Variants in EML6 observed in about 807,000 individuals in gnomAD.
The protein encoded by EML6 is EMAP like 6, also known as echinoderm microtubule-associated protein-like 6.
EML6 carries 154 observed loss-of-function variants against 240.1 expected under a neutral mutation model. The ratio of observed to expected loss-of-function variants is 0.64; its 90% CI spans 0.56 to 0.73. The LOEUF (loss-of-function observed/expected upper bound fraction) is 0.73, where lower values mean the gene tolerates loss of function less well. Ranked by LOEUF, EML6 falls within the 30% of genes least tolerant of loss-of-function variation. The pLI, the probability that EML6 is intolerant of heterozygous loss-of-function variation, is 0.00. For synonymous variants in EML6, 1,148 were observed against 899.0 expected (o/e 1.28, Z -4.95); for missense variants, 2,964 against 2,474.6 (o/e 1.20, Z -4.20).
chr2:54,927,405 C>G (rs1446488221), intron 26 of EML6, among the ~76,000 whole-genome samples: 1 of 152,218 alleles, frequency 6.6e-6, no homozygotes, highest in Admixed American at 6.5e-5. Context: ...AAATTTTCAT[C>G]TGGGATACTG....
At chr2:54,908,830 C>T (rs1424996393) in intron 24 of EML6, among the ~76,000 whole-genome samples, 1 of 152,114 alleles carries the variant, frequency 6.6e-6, no homozygotes, top group Admixed American at 6.5e-5. Flanking sequence ...ATTACCCAGC[C>T]CAGTGTGAGC....
chr2:54,764,228 G>C (rs538848432), intron 2 of EML6, among the ~76,000 whole-genome samples: 8 of 152,274 alleles, frequency 5.3e-5, no homozygotes, highest in South Asian at 4.1e-4. Context: ...ATAAGATTAA[G>C]TCCATATAAT....
rs570682886 is a variant in EML6 at position 54,969,191 on chromosome 2, T to C, written c.5852+423T>C. 7.9e-5 allele frequency among the ~76,000 whole-genome samples: 12 copies of C among 152,328 alleles called. No homozygotes were observed. In the South Asian group the frequency reaches 2.5e-3, roughly 32 times the overall value. ...TGATCACCAGTGTTGGGAATTTCTT[T>C]ATTTACTCTAAATAGAGTATAGAGG... On this transcript the variant is annotated intron_variant, in intron 41 of 41. Coordinates refer to ENST00000356458, the MANE Select transcript of EML6 (RefSeq NM_001039753.4).
intron 40 of EML6, 31 bp downstream of exon 40, chr2:54,968,312 G>A: frequency 6.4e-7 from 1 of 1,550,964 alleles, no homozygotes; most frequent in South Asian, 1.2e-5. Flanking sequence ...CCTCCCTGCA[G>A]GTTCTCTGTT....
chr2:54,866,485 A>G (rs922020382), intron 13 of EML6, among the ~76,000 whole-genome samples: 3 of 152,214 alleles, frequency 2.0e-5, no homozygotes, highest in Non-Finnish European at 4.4e-5. Flanking sequence ...TTTTATTTAT[A>G]TTTTACTGAT....
rs78016089 is a variant in EML6, at chr2:54,948,427, C to A, written c.4005-455C>A. 3.7e-3 allele frequency among the ~76,000 whole-genome samples: 562 copies of A among 152,280 alleles called. 4 individuals carry two copies. The highest frequency in any genetic ancestry group is 0.013 in the African/African-American group (542 of 41,548). ...TTTCCGCAGCCTGGCTTGTAAGTGC[C>A]ACTTCACGCCACACCATGGCCATCG... On this transcript the variant is annotated intron_variant, in intron 28 of 41. Coordinates refer to ENST00000356458, the MANE Select transcript of EML6 (RefSeq NM_001039753.4).
intron 21 of EML6, 47 bp downstream of exon 21, chr2:54,895,447 A>G: frequency 6.5e-7 from 1 of 1,542,902 alleles, no homozygotes; most frequent in Admixed American, 2.0e-5. Context: ...CAAGGCTGGG[A>G]CTAGAGTGAG....
At chr2:54,967,606 T>A (rs1474065807) in intron 39 of EML6, among the ~76,000 whole-genome samples, 2 of 151,910 alleles carry the variant, frequency 1.3e-5, no homozygotes, top group Admixed American at 1.3e-4. Flanking sequence ...GTAACTTGTG[T>A]TTTTGGAGTG....
intron 2 of EML6, among the ~76,000 whole-genome samples, chr2:54,802,637 T>TACTACC (rs1418897743): frequency 1.4e-5 from 2 of 147,442 alleles, no homozygotes; most frequent in Non-Finnish European, 3.0e-5. Flanking sequence ...CTACTACTAC[T>TACTACC]ACTACTACTA....
intron 28 of EML6, among the ~76,000 whole-genome samples, chr2:54,942,470 G>T (rs1205847623): frequency 6.6e-6 from 1 of 152,202 alleles, no homozygotes; most frequent in Non-Finnish European, 1.5e-5. Context: ...CAGGGGTGTT[G>T]ATCTGCCTCC....
chr2:54,843,254 C>A (rs1398469431), intron 7 of EML6, among the ~76,000 whole-genome samples: 1 of 151,988 alleles, frequency 6.6e-6, no homozygotes, highest in African/African-American at 2.4e-5. Context: ...CATAGCAAGA[C>A]CTTGTCTCTA....
At chr2:54,735,149 A>G (rs1683337254) in intron 2 of EML6, among the ~76,000 whole-genome samples, 1 of 152,186 alleles carries the variant, frequency 6.6e-6, no homozygotes, top group South Asian at 2.1e-4. Context: ...CCTCTCCCTG[A>G]AGCCTTATCT....
At chr2:54,791,284 G>C (rs1319833312) in intron 2 of EML6, among the ~76,000 whole-genome samples, 1 of 152,160 alleles carries the variant, frequency 6.6e-6, no homozygotes, top group South Asian at 2.1e-4. Context: ...GTATGCTCAC[G>C]CAAGTGGGTC....
chr2:54,759,408 G>GT (rs1421408614), intron 2 of EML6, among the ~76,000 whole-genome samples: 1 of 151,756 alleles, frequency 6.6e-6, no homozygotes, highest in East Asian at 1.9e-4. Flanking sequence ...AATAGTGGTG[G>GT]TAACTATTAT....
At chr2:54,940,505 G>C (rs912291493) in intron 28 of EML6, among the ~76,000 whole-genome samples, 1 of 152,156 alleles carries the variant, frequency 6.6e-6, no homozygotes, top group African/African-American at 2.4e-5. Flanking sequence ...GTTCCCCAGT[G>C]GCTGGTACTG....
Position 54,863,814 on chromosome 2 carries a change from T to TACAGTGAA in EML6, c.1857_1858insACAGTGAA (p.Asp620ThrfsTer37). On this transcript the variant is annotated frameshift_variant, in exon 13 of 42. Coordinates refer to ENST00000356458, the MANE Select transcript of EML6 (RefSeq NM_001039753.4). LOFTEE classifies it high-confidence loss of function. ...GAGCTGATTCCTACAGTGAAGAATC[T>TACAGTGAA]GATTCAGATTTATCTGATGTGCCCG... 1 of 1,548,950 alleles carries TACAGTGAA rather than the reference T, an allele frequency of 6.5e-7. No homozygotes were observed. Among genetic ancestry groups the TACAGTGAA allele is most frequent in the Non-Finnish European group, 8.7e-7 (1 of 1,145,248 alleles).
chr2:54,927,116 C>G (rs943983450), intron 26 of EML6, among the ~76,000 whole-genome samples: 1 of 152,190 alleles, frequency 6.6e-6, no homozygotes, highest in Non-Finnish European at 1.5e-5. Flanking sequence ...TTTGTTCTGC[C>G]TATTTGCTAG....
At chr2:54,919,254 C>CA (rs1237089339) in intron 26 of EML6, among the ~76,000 whole-genome samples, 6 of 131,244 alleles carry the variant, frequency 4.6e-5, no homozygotes, top group African/African-American at 1.7e-4. Flanking sequence ...CCCCCCCCCC[C>CA]AATCCTTTTC....
In EML6 at chr2:54,899,767, C is replaced by T. The variant is rs1409200355; in HGVS notation, c.3109C>T (p.Arg1037Trp). 3 of 1,549,954 alleles carry T rather than the reference C, an allele frequency of 1.9e-6. No individual in the cohort carries two copies. The highest frequency in any genetic ancestry group is 2.6e-6 in the Non-Finnish European group (3 of 1,146,284). Residue 1037 changes from arginine to tryptophan, a missense_variant, in exon 22 of 42, where the codon CGG becomes TGG. Coordinates refer to ENST00000356458, the MANE Select transcript of EML6 (RefSeq NM_001039753.4). Reference sequence around the variant, plus strand: ...TGCCCAGCACCGTATGCTGGCAGTACGGAAACTCAAAAAAGGTACATAACA... The same window carrying T: ...TGCCCAGCACCGTATGCTGGCAGTATGGAAACTCAAAAAAGGTACATAACA... ...LSAQHRMLAV[R>W]KLKKGGRCCA...
Sources: gnomAD v4.1 joint callset for allele counts (sites outside exome capture counted in the v4.1 genomes callset) on GRCh38, gnomAD v4.1.1 for gene constraint, MANE v1.5 for transcripts, NCBI Gene and HGNC (gene_info 2026-07-23, HGNC 2026-07-21) for gene names.